The following PRAG1 variants were observed in gnomAD, a reference collection of about 807,000 sequenced individuals.
The protein encoded by PRAG1 is PEAK1 related, kinase-activating pseudokinase 1.
Under a neutral mutation model 95.6 loss-of-function variants are expected in PRAG1, and 110 were observed. The observed-to-expected ratio is 1.15, with a 90% CI of 0.99 to 1.35. The LOEUF (loss-of-function observed/expected upper bound fraction) is 1.35, where lower values mean the gene tolerates loss of function less well. Among genes scored for constraint, PRAG1 ranks in the 40% most tolerant of loss-of-function variants. The pLI is 0.00. For missense variants in PRAG1, 2,554 were observed against 1,864.7 expected (o/e 1.37, Z -6.81); for synonymous variants, 1,052 against 819.4 (o/e 1.28, Z -4.85).
At chr8:8,346,657 A>C (rs1799352536) in intron 3 of PRAG1, among the ~76,000 whole-genome samples, 1 of 152,248 alleles carries the variant, frequency 6.6e-6, no homozygotes, top group African/African-American at 2.4e-5. Context: ...CGAAGCTTTC[A>C]GAATGAGAGC....
intron 3 of PRAG1, among the ~76,000 whole-genome samples, chr8:8,369,314 C>A (rs1033828197): frequency 1.3e-5 from 2 of 152,064 alleles, no homozygotes; most frequent in African/African-American, 4.8e-5. Flanking sequence ...CCTGCACTCC[C>A]AGGAGTTTAT....
Position 8,376,327 on chromosome 8 carries a change from G to T in PRAG1, c.2082C>A (p.Ser694=), listed in dbSNP as rs757185374. Residue 694 remains serine (S), a synonymous_variant, in exon 3 of 6, where the codon TCC becomes TCA. Transcript: ENST00000615670. ...NSKVGTGMSK[S]ASFAFEFPKD... Reference sequence around the variant, plus strand: ...TGGGGAACTCAAAGGCAAAAGAGGCGGATTTGCTCATCCCGGTCCCAACTT... The same window carrying T: ...TGGGGAACTCAAAGGCAAAAGAGGCTGATTTGCTCATCCCGGTCCCAACTT... 6.2e-7 allele frequency: 1 copy of T among 1,614,170 alleles called. No homozygotes were observed. The highest frequency in any genetic ancestry group is 1.7e-5 in the Admixed American group (1 of 60,024).
At chr8:8,328,598 T>TAGAGA in intron 4 of PRAG1, 137 bp from the exon 5 acceptor site, 9 of 959,770 alleles carry the variant, frequency 9.4e-6, no homozygotes, top group Middle Eastern at 3.2e-4. Context: ...TCTATTTCTC[T>TAGAGA]AATAGACAAT....
chr8:8,377,613 C>T lies in PRAG1; in HGVS notation c.796G>A (p.Ala266Thr). The T allele has an allele frequency of 6.2e-7, 1 of 1,613,222 alleles. No individual in the cohort carries two copies. Among genetic ancestry groups the T allele is most frequent in the Non-Finnish European group, 8.5e-7 (1 of 1,179,904 alleles). Residue 266 changes from alanine (A) to threonine (T), a missense_variant, in exon 3 of 6, where the codon GCC (alanine) becomes ACC (threonine). Coordinates refer to ENST00000615670, the MANE Select transcript of PRAG1 (RefSeq NM_001080826.3). ...ILDCCPGSPV[A>T]KAASQTAGSR... The stretch of plus-strand genomic sequence containing the variant: ...CCTGCAGTCTGGGAGGCAGCCTTGG[C>T]AACAGGGCTCCCAGGGCAGCAGTCC...
intron 3 of PRAG1, among the ~76,000 whole-genome samples, chr8:8,375,526 C>G (rs781178735): frequency 6.6e-6 from 1 of 152,066 alleles, no homozygotes; most frequent in African/African-American, 2.4e-5. Flanking sequence ...AAACCCACAT[C>G]TGAGGGTTCC....
At chr8:8,359,573 G>A (rs945050316) in intron 3 of PRAG1, among the ~76,000 whole-genome samples, 1 of 152,146 alleles carries the variant, frequency 6.6e-6, no homozygotes, top group African/African-American at 2.4e-5. Flanking sequence ...TAAAATTGGA[G>A]TATTGGATGA....
rs1343877784 is a variant in PRAG1, at chr8:8,317,747, C to T, written c.*407G>A. ...ATAAAGAGCTTTGCTCATGACTCAACCAAAAAAAATTTTAATGGAATTTTC... is the reference window on the plus strand; with the variant it reads ...ATAAAGAGCTTTGCTCATGACTCAATCAAAAAAAATTTTAATGGAATTTTC... On this transcript the variant is annotated 3_prime_UTR_variant, in exon 6 of 6. Coordinates refer to ENST00000615670, the MANE Select transcript of PRAG1 (RefSeq NM_001080826.3). 1 of 151,048 alleles carries T rather than the reference C, an allele frequency of 6.6e-6. No homozygotes were observed. The highest frequency in any genetic ancestry group is 1.9e-4 in the East Asian group (1 of 5,228). The allele number at this position is 151,048 out of a possible 1,614,324, so 9.4% of individuals were successfully genotyped here. A position where few individuals can be genotyped will look rare whatever the true frequency, so the allele number is the denominator to read the frequency against.
intron 3 of PRAG1, among the ~76,000 whole-genome samples, chr8:8,370,437 T>A (rs1800154382): frequency 6.6e-6 from 1 of 152,248 alleles, no homozygotes; most frequent in Admixed American, 6.5e-5. Flanking sequence ...TTAAGTTTTG[T>A]CAAAATGGCT....
At chr8:8,374,384 G>A (rs1049762091) in intron 3 of PRAG1, among the ~76,000 whole-genome samples, 1 of 152,146 alleles carries the variant, frequency 6.6e-6, no homozygotes, top group Admixed American at 6.5e-5. Flanking sequence ...ATACAATTTG[G>A]ATGTTTTACT....
Position 8,353,903 on chromosome 8 carries a change from T to C in PRAG1, c.2163-14268A>G, listed in dbSNP as rs541422038. Among the ~76,000 whole-genome samples, 4 of 151,512 alleles carry C rather than the reference T, an allele frequency of 2.6e-5. No individual in the cohort carries two copies. In the East Asian group the frequency reaches 7.7e-4, roughly 29 times the overall value. On this transcript the variant is annotated intron_variant, in intron 3 of 5. Transcript: ENST00000615670. ...AGAAGAGGAAGAGGAAGACCACCCA[T>C]TGCACAAGGGAGGAAATAATAAAGA...
At chr8:8,363,559 G>C (rs960035263) in intron 3 of PRAG1, among the ~76,000 whole-genome samples, 1 of 152,198 alleles carries the variant, frequency 6.6e-6, no homozygotes, top group Non-Finnish European at 1.5e-5. Context: ...CAGAGGCTAA[G>C]GGAAGGGAGA....
chr8:8,353,164 A>T (rs1273242671), intron 3 of PRAG1, among the ~76,000 whole-genome samples: 2 of 152,228 alleles, frequency 1.3e-5, no homozygotes, highest in African/African-American at 2.4e-5. Flanking sequence ...TAGATCAACC[A>T]GACAGAAAAT....
At chr8:8,371,128 T>G in intron 3 of PRAG1, among the ~76,000 whole-genome samples, 1 of 113,428 alleles carries the variant, frequency 8.8e-6, no homozygotes, top group Non-Finnish European at 1.7e-5. Flanking sequence ...AGAGATTCTG[T>G]CTCAAAAAAA....
At chr8:8,331,089 G>C (rs1037902571) in intron 4 of PRAG1, among the ~76,000 whole-genome samples, 3 of 152,268 alleles carry the variant, frequency 2.0e-5, no homozygotes, top group African/African-American at 7.2e-5. Flanking sequence ...AGATGGGAGT[G>C]GGGTGTGATC....
chr8:8,319,412 T>G (rs1798404004), intron 5 of PRAG1, 110 bp from the exon 6 acceptor site: 2 of 863,648 alleles, frequency 2.3e-6, no homozygotes, highest in Non-Finnish European at 3.3e-6. Context: ...CACATAGGCT[T>G]AAGGGTAAGA....
At position 8,327,990 on chromosome 8, in the gene PRAG1, G is replaced by C; in HGVS notation, c.2792C>G (p.Thr931Ser). The change falls in exon 5 of 6, where the codon ACC (threonine) becomes AGC (serine). Residue 931 changes from threonine (T) to serine (S), a missense_variant. Thr to Ser is a moderately conservative substitution (Grantham distance 58). Coordinates refer to ENST00000615670, the MANE Select transcript of PRAG1 (RefSeq NM_001080826.3). Reference protein sequence around the residue: ...SQLSVSSQASTGSTQLQLHGL... With the variant: ...SQLSVSSQASSGSTQLQLHGL... ...GTGCAGCTGAAGCTGGGTGCTCCCGGTGGAGGCTTGACTGGACACGCTCAG... is the reference window on the plus strand; with the variant it reads ...GTGCAGCTGAAGCTGGGTGCTCCCGCTGGAGGCTTGACTGGACACGCTCAG... 3 of 1,595,612 alleles carry C rather than the reference G, an allele frequency of 1.9e-6. No homozygotes were observed. The highest frequency in any genetic ancestry group is 2.6e-6 in the Non-Finnish European group (3 of 1,169,706).
chr8:8,360,018 A>T (rs960911813), intron 3 of PRAG1, among the ~76,000 whole-genome samples: 1 of 152,152 alleles, frequency 6.6e-6, no homozygotes, highest in African/African-American at 2.4e-5. Context: ...GAACGAGCTA[A>T]ATCAGCTGGA....
intron 3 of PRAG1, among the ~76,000 whole-genome samples, chr8:8,341,998 G>A (rs1211902491): frequency 1.3e-5 from 2 of 151,952 alleles, no homozygotes; most frequent in African/African-American, 4.8e-5. Context: ...AGGCATAGTG[G>A]CCTGCGCCTG....
intron 3 of PRAG1, among the ~76,000 whole-genome samples, chr8:8,346,176 T>C (rs1585242450): frequency 6.6e-6 from 1 of 152,236 alleles, no homozygotes; most frequent in East Asian, 1.9e-4. Flanking sequence ...TTTTCCTTCA[T>C]TAATAATAAT....
Sources: allele counts gnomAD v4.1 joint callset (sites outside exome capture counted in the v4.1 genomes callset), GRCh38; gene constraint gnomAD v4.1.1; transcripts MANE v1.5; gene names NCBI Gene and HGNC (gene_info 2026-07-23, HGNC 2026-07-21).